The following CELF5 variants were observed in gnomAD, a reference collection of about 807,000 sequenced individuals.
CELF5 encodes the protein CUGBP Elav-like family member 5.
In CELF5, 6 loss-of-function variants were observed where a neutral mutation model predicts 54.9. The ratio of observed to expected loss-of-function variants is 0.11; its 90% CI spans 0.06 to 0.22. CELF5 has a LOEUF of 0.22. CELF5 is among the 10% of genes least tolerant of loss of function. CELF5 has a pLI of 1.00. For synonymous variants in CELF5, 271 were observed against 290.9 expected (o/e 0.93, Z 0.70); for missense variants, 401 against 678.6 (o/e 0.59, Z 4.54).
rs768502350 is a variant in CELF5, at chr19:3,293,477, C to T, written c.*31C>T. 6.2e-7 allele frequency: 1 copy of T among 1,612,086 alleles called. No individual in the cohort carries two copies. Among genetic ancestry groups the T allele is most frequent in the Non-Finnish European group, 8.5e-7 (1 of 1,178,768 alleles). On this transcript the variant is annotated 3_prime_UTR_variant, in exon 12 of 13. Transcript: ENST00000292672. Reference sequence around the variant, plus strand: ...CCCACAGCCGCCCTGAGGCTGTAGGCATGGCCCAGGTGAGCCGCCAGGCGG... The same window carrying T: ...CCCACAGCCGCCCTGAGGCTGTAGGTATGGCCCAGGTGAGCCGCCAGGCGG...
intron 2 of CELF5, among the ~76,000 whole-genome samples, chr19:3,269,064 G>C (rs866851746): frequency 6.6e-5 from 10 of 152,102 alleles, no homozygotes; most frequent in Middle Eastern, 3.2e-3. Flanking sequence ...GGCTGGACTG[G>C]GGCCTAGGTG....
intron 11 of CELF5, among the ~76,000 whole-genome samples, chr19:3,291,092 T>G (rs2080339622): frequency 6.9e-6 from 1 of 145,454 alleles, no homozygotes; most frequent in Non-Finnish European, 1.5e-5. Flanking sequence ...AAGACCCCAT[T>G]TCTACAAAAA....
rs1429201454 is a variant in CELF5 at position 3,285,988 on chromosome 19, C to G, written c.1149C>G (p.Pro383=). The G allele has an allele frequency of 1.3e-6, 2 of 1,586,022 alleles. No individual in the cohort carries two copies. Among genetic ancestry groups the G allele is most frequent in the Non-Finnish European group, 1.7e-6 (2 of 1,173,194 alleles). The part of the protein sequence containing the change: ...AAITPIAHSV[P]QPPPLLQQQQ... ...TCACGCCCATCGCGCACAGCGTCCC[C>G]CAGCCGCCGCCCCTCCTGCAGCAGC... Residue 383 remains proline, a synonymous_variant, in exon 10 of 13, where the codon CCC becomes CCG. Coordinates refer to ENST00000292672, the MANE Select transcript of CELF5 (RefSeq NM_021938.4).
chr19:3,226,477 A>ACACACACACACAC (rs1372914642), intron 1 of CELF5, among the ~76,000 whole-genome samples: 22 of 20,456 alleles, frequency 1.1e-3, no homozygotes, highest in Non-Finnish European at 2.6e-3. Context: ...CACACACACA[A>ACACACACACACAC]AATTGGGCCT....
intron 12 of CELF5, chr19:3,294,739 A>T (rs2080407238): frequency 6.6e-6 from 1 of 152,164 alleles, no homozygotes; most frequent in South Asian, 2.1e-4. Context: ...AGGACAGGGG[A>T]GAAACCCCCT....
intron 11 of CELF5, among the ~76,000 whole-genome samples, 197 bp from the exon 12 acceptor site, chr19:3,293,122 C>T (rs973792792): frequency 2.0e-5 from 3 of 152,114 alleles, no homozygotes; most frequent in Admixed American, 1.3e-4. Flanking sequence ...GCCCCATCCT[C>T]AGAGGTATAC....
chr19:3,293,544 T>G, intron 12 of CELF5, 58 bp downstream of exon 12: 1 of 1,294,232 alleles, frequency 7.7e-7, no homozygotes, highest in Non-Finnish European at 1.0e-6. Flanking sequence ...TGAAACCCCC[T>G]CCCGCGGCCC....
At chr19:3,279,164 G>A (rs892284133) in intron 5 of CELF5, among the ~76,000 whole-genome samples, 1 of 152,142 alleles carries the variant, frequency 6.6e-6, no homozygotes, top group African/African-American at 2.4e-5. Context: ...CAGGTGGACA[G>A]GGAGGAGGGC....
rs924636608 is a variant in CELF5, at chr19:3,268,050, G to A, written c.343-5822G>A. Among the ~76,000 whole-genome samples the A allele has an allele frequency of 2.0e-5, 3 of 152,144 alleles. No homozygotes were observed. The highest frequency in any genetic ancestry group is 7.2e-5 in the African/African-American group (3 of 41,422). On this transcript the variant is annotated intron_variant, in intron 2 of 12. Coordinates refer to ENST00000292672, the MANE Select transcript of CELF5 (RefSeq NM_021938.4). The surrounding 1 kb of genome is among the most constrained non-coding windows in gnomAD (Gnocchi z 4.4). ...GTCTCGCTCTGTCGCCCAGGCTGGA[G>A]TGCAGTGATTTGATCTCAGCTCACT... is the stretch of plus-strand genomic sequence containing the variant.
intron 1 of CELF5, 26 bp downstream of exon 1, chr19:3,225,024 C>T: frequency 6.7e-6 from 9 of 1,340,294 alleles, no homozygotes; most frequent in Non-Finnish European, 8.9e-6. Context: ...CCTCCCCCCT[C>T]TCCCCCTCCC....
chr19:3,273,283 G>C (rs2079995705), intron 2 of CELF5, among the ~76,000 whole-genome samples: 1 of 152,002 alleles, frequency 6.6e-6, no homozygotes, highest in African/African-American at 2.4e-5. Context: ...GACTTGACTG[G>C]GCTTAGCTGG....
intron 1 of CELF5, among the ~76,000 whole-genome samples, chr19:3,246,084 C>A (rs1037119929): frequency 3.9e-5 from 6 of 152,214 alleles, no homozygotes; most frequent in Admixed American, 3.9e-4. Context: ...ACGGACAAGG[C>A]CGGGTGCGGT....
intron 2 of CELF5, among the ~76,000 whole-genome samples, chr19:3,265,197 G>A (rs762249269): frequency 6.6e-6 from 1 of 152,136 alleles, no homozygotes; most frequent in Non-Finnish European, 1.5e-5. Context: ...AACTAGCCAG[G>A]TGTGGTGGCT....
Position 3,268,532 on chromosome 19 carries a change from C to T in CELF5, c.343-5340C>T, listed in dbSNP as rs916928288. ...TGGCACCAGCTCTTGGGTGACTTCC[C>T]GTGCCAGGCACTGTGCCCGGCATGC... On this transcript the variant is annotated intron_variant, in intron 2 of 12. Transcript: ENST00000292672. This position sits in a 1 kb window ranked among gnomAD's most constrained non-coding sequence, Gnocchi z 4.4. Among the ~76,000 whole-genome samples, 3 of 152,138 alleles carry T rather than the reference C, an allele frequency of 2.0e-5. No individual in the cohort carries two copies. The highest frequency in any genetic ancestry group is 7.2e-5 in the African/African-American group (3 of 41,410).
chr19:3,231,317 T>C (rs757654163), intron 1 of CELF5, among the ~76,000 whole-genome samples: 1 of 152,122 alleles, frequency 6.6e-6, no homozygotes, highest in Non-Finnish European at 1.5e-5. Context: ...GAGATAGATA[T>C]GTGAATCAAT....
intron 1 of CELF5, chr19:3,225,564 G>C: frequency 1.0e-6 from 1 of 976,568 alleles, no homozygotes; most frequent in South Asian, 4.8e-5. Context: ...AAGCCAGGCC[G>C]GCGGGGCAGG....
At chr19:3,286,936 G>A (rs371938771) in intron 10 of CELF5, 1 of 150,624 alleles carries the variant, frequency 6.6e-6, no homozygotes, top group African/African-American at 2.4e-5. Flanking sequence ...TCGGGAGGCT[G>A]AGGCAGGAGA....
In CELF5 at chr19:3,293,523, C is replaced by T. The variant is rs1394400351; in HGVS notation, c.*40+37C>T. 1.4e-5 allele frequency: 21 copies of T among 1,538,622 alleles called. No individual in the cohort carries two copies. In the Admixed American group the frequency reaches 3.9e-4, roughly 28 times the overall value. On this transcript the variant is annotated intron_variant, in intron 12 of 12. Transcript: ENST00000292672. ...GGCGGCCCCACCCCCGCCCAAGCCC[C>T]CCGTCTTGTCTGAAACCCCCTCCCG... is the stretch of plus-strand genomic sequence containing the variant.
In CELF5 at chr19:3,278,430, TGTGA is replaced by T. The variant is rs1004660093; in HGVS notation, c.603+324_603+327del. 5.3e-5 allele frequency among the ~76,000 whole-genome samples: 8 copies of T among 151,812 alleles called. No homozygotes were observed. In the South Asian group the frequency reaches 1.5e-3, roughly 28 times the overall value. On this transcript the variant is annotated intron_variant, in intron 5 of 12. Transcript: ENST00000292672. This position sits in a 1 kb window ranked among gnomAD's most constrained non-coding sequence, Gnocchi z 4.5. ...GCCCGAGACTGCATGCATGTGTGTG[TGTGA>T]GTGCGTGTTTGAGTGTGTCATTACT...
Sources: allele counts gnomAD v4.1 joint callset (sites outside exome capture counted in the v4.1 genomes callset), GRCh38; gene constraint gnomAD v4.1.1; non-coding constraint Gnocchi (gnomAD v3.1); transcripts MANE v1.5; gene names NCBI Gene and HGNC (gene_info 2026-07-23, HGNC 2026-07-21).